The following MADD variants were observed in gnomAD, a reference collection of about 807,000 sequenced individuals.
MADD encodes the protein MAP kinase activating death domain.
Under a neutral mutation model 176.7 loss-of-function variants are expected in MADD, and 109 were observed. The observed-to-expected ratio is 0.62, with a 90% confidence interval of 0.53 to 0.72. The LOEUF (loss-of-function observed/expected upper bound fraction) is 0.72, where lower values mean the gene tolerates loss of function less well. Among genes scored for constraint, MADD ranks in the 30% least tolerant of loss-of-function variants. The probability of loss-of-function intolerance (pLI) is 0.00; values close to 1 mark genes in which losing one functional copy is unlikely to be tolerated. For missense variants in MADD, 1,914 were observed against 2,045.5 expected, an observed-to-expected ratio of 0.94 and a Z score of 1.24; for synonymous variants, 771 against 771.3, an observed-to-expected ratio of 1.00 and a Z score of 0.01.
At chr11:47,318,045 C>T (rs1394416727) in intron 27 of MADD, among the ~76,000 whole-genome samples, 1 of 152,206 alleles carries the variant, frequency 6.6e-6, no homozygotes, top group Non-Finnish European at 1.5e-5. Context: ...GCTGGGATTA[C>T]AGGTGTGAGC....
exon 24 of MADD, chr11:47,309,340 G>T (rs2140835074): frequency 6.2e-7 from 1 of 1,614,168 alleles, no homozygotes; most frequent in African/African-American, 1.3e-5. Context: ...CTTCTTAGAT[G>T]CTGTGATGTT....
chr11:47,270,112 C>A (rs1565225326), upstream of MADD: 1 of 152,008 alleles, frequency 6.6e-6, no homozygotes, highest in Non-Finnish European at 1.5e-5. Context: ...CCGCACCCCG[C>A]GCGAGTGGTG....
Position 47,295,472 on chromosome 11 carries a change from T to C in MADD, c.3403-24T>C, listed in dbSNP as rs774011893. 6 of 1,592,586 alleles carry C rather than the reference T, an allele frequency of 3.8e-6. No homozygotes were observed. The African/African-American group carries it at 6.7e-5, about 18-fold the overall frequency. Reference sequence around the variant, plus strand: ...CTGAGAGGAGATTGGACACCTCCCCTAATGTTCCTGTGTCTTGTTTCAGAG... The same window carrying C: ...CTGAGAGGAGATTGGACACCTCCCCCAATGTTCCTGTGTCTTGTTTCAGAG... On this transcript the variant is annotated intron_variant, in intron 20 of 32. Transcript: ENST00000402192.
At chr11:47,308,775 G>A in intron 23 of MADD, 76 bp downstream of exon 25, 1 of 1,242,972 alleles carries the variant, frequency 8.0e-7, no homozygotes, top group Admixed American at 1.8e-5. Context: ...CACTGAACAA[G>A]TAGCTGGTTG....
chr11:47,292,530 G>A lies in MADD; in HGVS notation c.3302-1353G>A, dbSNP rs749831412. 1.2e-6 allele frequency: 2 copies of A among 1,613,296 alleles called. No individual in the cohort carries two copies. The highest frequency in any genetic ancestry group is 1.7e-5 in the Admixed American group (1 of 59,976). On this transcript the variant is annotated intron_variant, in intron 19 of 32. Transcript: ENST00000402192. The stretch of plus-strand genomic sequence containing the variant: ...TCTGTCTTTCTCTCCTGCTTGCATT[G>A]CATCTGGGGTAGAATTGTGGAACAA...
At chr11:47,275,063 C>T (rs2048415778) in exon 3 of MADD, 1 of 1,614,168 alleles carries the variant, frequency 6.2e-7, no homozygotes, top group Non-Finnish European at 8.5e-7. Flanking sequence ...TTCTTCTCCA[C>T]CTTCCGAGAG....
At chr11:47,269,881 G>C (rs1958569950), upstream of MADD, 2 of 152,132 alleles carry the variant, frequency 1.3e-5, no homozygotes, top group African/African-American at 4.8e-5. Context: ...TCGGGTGAGA[G>C]TCTCTCTGAG....
intron 22 of MADD, among the ~76,000 whole-genome samples, chr11:47,306,522 G>A (rs1042381042): frequency 6.6e-6 from 1 of 152,214 alleles, no homozygotes; most frequent in Non-Finnish European, 1.5e-5. Context: ...AGGGAAGCCA[G>A]TGGTGAAGTC....
At chr11:47,316,411 C>T (rs1423948635) in intron 27 of MADD, among the ~76,000 whole-genome samples, 8 of 119,988 alleles carry the variant, frequency 6.7e-5, no homozygotes, top group East Asian at 4.9e-4. Flanking sequence ...TTTTTTGAGA[C>T]GGAGTCTCAC....
intron 3 of MADD, 31 bp from the exon 4 acceptor site, chr11:47,275,868 A>C: frequency 6.3e-7 from 1 of 1,577,314 alleles, no homozygotes; most frequent in Non-Finnish European, 8.7e-7. Flanking sequence ...TCTGATGCTA[A>C]TGTGTCTGAT....
At chr11:47,275,034 C>T (rs1050158723) in exon 3 of MADD, 9 of 1,614,232 alleles carry the variant, frequency 5.6e-6, no homozygotes, top group Middle Eastern at 1.6e-4. Flanking sequence ...CGTCCCTGTG[C>T]GTGCTCAGCC....
chr11:47,309,806 T>C (rs2086547212), intron 25 of MADD, among the ~76,000 whole-genome samples, 194 bp downstream of exon 28: 2 of 152,024 alleles, frequency 1.3e-5, no homozygotes, highest in African/African-American at 4.8e-5. Context: ...CCAGTTTTAC[T>C]AAGGAGTGTT....
At position 47,289,477 on chromosome 11, in the gene MADD, C is replaced by T; in HGVS notation, c.2740C>T (p.Arg914Ter). 4 of 1,614,062 alleles carry T rather than the reference C, an allele frequency of 2.5e-6. No individual in the cohort carries two copies. The highest frequency in any genetic ancestry group is 1.1e-5 in the South Asian group (1 of 91,072). Residue 914 changes from arginine to a stop codon, truncating the protein, a stop_gained, in exon 16 of 33, where the codon CGA becomes TGA. Transcript: ENST00000402192. LOFTEE classifies it high-confidence loss of function. ...AAGAGAACCTCCATCACCCCAGGGT[C>T]GATCCAGCAATTCTAGGTAATAAAT...
exon 6 of MADD, chr11:47,278,213 T>G: frequency 6.2e-7 from 1 of 1,614,180 alleles, no homozygotes; most frequent in South Asian, 1.1e-5. Context: ...TGCCAGCTTC[T>G]TCCTCTACAA....
intron 19 of MADD, among the ~76,000 whole-genome samples, chr11:47,293,390 C>A (rs141689700): frequency 1.3e-4 from 20 of 151,946 alleles, no homozygotes; most frequent in African/African-American, 4.8e-4. Flanking sequence ...CAACCTCTGC[C>A]TCCAGGGCTC....
In MADD at chr11:47,325,784, T is replaced by A. The variant is rs2095388546; in HGVS notation, c.4543-954T>A. 6.6e-6 allele frequency among the ~76,000 whole-genome samples: 1 copy of A among 152,214 alleles called. No individual in the cohort carries two copies. Among genetic ancestry groups the A allele is most frequent in the South Asian group, 2.1e-4 (1 of 4,834 alleles). On this transcript the variant is annotated intron_variant, in intron 30 of 32. Coordinates refer to ENST00000402192, the Ensembl canonical transcript of MADD. This position sits in a 1 kb window ranked among gnomAD's most constrained non-coding sequence, Gnocchi z 4.5. Reference sequence around the variant, plus strand: ...GAGATCTTGCTGAGCAACGCCCAGGTGCTCTGCCCTGTTCCTCGTCCTGCC... The same window carrying A: ...GAGATCTTGCTGAGCAACGCCCAGGAGCTCTGCCCTGTTCCTCGTCCTGCC...
intron 20 of MADD, 37 bp from the exon 23 acceptor site, chr11:47,295,459 T>C (rs375383682): frequency 1.3e-6 from 2 of 1,512,266 alleles, no homozygotes; most frequent in African/African-American, 1.4e-5. Flanking sequence ...GAGAGGAGAT[T>C]GGACACCTCC....
chr11:47,323,718 T>C, exon 28 of MADD: 2 of 1,614,124 alleles, frequency 1.2e-6, no homozygotes, highest in East Asian at 2.2e-5. Context: ...GAACAGTGTA[T>C]GAGCGCTGGT....
intron 23 of MADD, 113 bp from the exon 27 acceptor site, chr11:47,309,168 G>A: frequency 6.4e-7 from 1 of 1,551,950 alleles, no homozygotes; most frequent in Non-Finnish European, 8.8e-7. Context: ...TGTTTCCTTT[G>A]CCCTGGAATT....
Sources: allele counts gnomAD v4.1 joint callset (sites outside exome capture counted in the v4.1 genomes callset), GRCh38; gene constraint gnomAD v4.1.1; non-coding constraint Gnocchi (gnomAD v3.1); transcripts MANE v1.5; gene names NCBI Gene and HGNC (gene_info 2026-07-23, HGNC 2026-07-21).